Variants in FREM2 observed in about 807,000 individuals in gnomAD.
FREM2 encodes the protein FRAS1-related extracellular matrix protein 2.
Under a neutral mutation model 219.9 loss-of-function variants are expected in FREM2, and 119 were observed. The observed-to-expected ratio is 0.54, with a 90% CI of 0.47 to 0.63. The LOEUF is 0.63. FREM2 is among the 30% of genes least tolerant of loss of function. The pLI is 0.00. For missense variants in FREM2, 4,030 were observed against 3,993.6 expected (o/e 1.01, Z -0.25); for synonymous variants, 1,562 against 1,522.8 (o/e 1.03, Z -0.60).
intron 6 of FREM2, among the ~76,000 whole-genome samples, chr13:38,841,434 C>G (rs979524677): frequency 5.3e-5 from 8 of 151,982 alleles, no homozygotes; most frequent in African/African-American, 1.9e-4. Flanking sequence ...TGCCTGGAAG[C>G]GGCTGTTGGA....
Position 38,689,396 on chromosome 13 carries a change from C to T in FREM2, c.2052C>T (p.Ser684=), listed in dbSNP as rs201344990. 36 of 1,613,968 alleles carry T rather than the reference C, an allele frequency of 2.2e-5. No individual in the cohort carries two copies. In the South Asian group the frequency reaches 2.7e-4, roughly 12 times the overall value. ...VQDNHDPPNQ[S]GLQRFVIRIH... is the part of the protein sequence containing the mutation. ...ATAACCATGACCCTCCTAATCAGTC[C>T]GGGCTACAGCGGTTTGTGATTCGTA... is the stretch of plus-strand genomic sequence containing the variant. Residue 684 remains serine (S), a synonymous_variant, in exon 1 of 24, where the codon TCC becomes TCT. Coordinates refer to ENST00000280481, the MANE Select transcript of FREM2 (RefSeq NM_207361.6).
intron 2 of FREM2, among the ~76,000 whole-genome samples, chr13:38,749,047 A>G (rs1042778744): frequency 2.0e-5 from 3 of 152,198 alleles, no homozygotes; most frequent in Admixed American, 2.0e-4. Flanking sequence ...GTCTATCTGC[A>G]GTGACCTTAG....
intron 6 of FREM2, among the ~76,000 whole-genome samples, chr13:38,831,375 C>T (rs1447490919): frequency 6.6e-6 from 1 of 152,046 alleles, no homozygotes; most frequent in African/African-American, 2.4e-5. Context: ...CAGAATGAAA[C>T]TACATTGATG....
intron 6 of FREM2, among the ~76,000 whole-genome samples, chr13:38,808,928 C>A (rs1369855375): frequency 6.6e-6 from 1 of 151,676 alleles, no homozygotes; most frequent in African/African-American, 2.4e-5. Context: ...TAAAGCAAAA[C>A]ACAATATAAG....
At chr13:38,703,303 A>C (rs1870412332) in intron 2 of FREM2, among the ~76,000 whole-genome samples, 1 of 152,200 alleles carries the variant, frequency 6.6e-6, no homozygotes, top group Non-Finnish European at 1.5e-5. Context: ...AGCTCAGAGA[A>C]AAAAGCAAGC....
At chr13:38,772,241 T>TA in intron 4 of FREM2, among the ~76,000 whole-genome samples, 1 of 152,200 alleles carries the variant, frequency 6.6e-6, no homozygotes, top group Non-Finnish European at 1.5e-5. Context: ...TACAGCACTA[T>TA]ATATTGGGAA....
intron 6 of FREM2, among the ~76,000 whole-genome samples, chr13:38,824,550 T>G: frequency 6.6e-6 from 1 of 151,990 alleles, no homozygotes; most frequent in East Asian, 1.9e-4. Context: ...TCCAAAGGTA[T>G]TTTGAGGGAA....
chr13:38,880,702 G>T lies in FREM2; in HGVS notation c.9425G>T (p.Arg3142Met). Residue 3142 changes from arginine to methionine, a missense_variant, in exon 24 of 24, where the codon AGG (arginine) becomes ATG (methionine). Arg to Met is a moderately conservative substitution (Grantham distance 91). Around this residue, in one of 2 missense-constraint regions of FREM2, gnomAD observed 928 missense variants for 1,042.9 expected, o/e 0.89. Coordinates refer to ENST00000280481, the MANE Select transcript of FREM2 (RefSeq NM_207361.6). Reference sequence around the variant, plus strand: ...ATGTGCAGGGGCAAGGAAAGTTTCAGGGGGAAGGATGCCCCGAAAGGCTCC... The same window carrying T: ...ATGTGCAGGGGCAAGGAAAGTTTCATGGGGAAGGATGCCCCGAAAGGCTCC... ...VLMCRGKESFRGKDAPKGSSS... is the reference protein window; with the variant it reads ...VLMCRGKESFMGKDAPKGSSS... 6.2e-7 allele frequency: 1 copy of T among 1,614,208 alleles called. No individual in the cohort carries two copies. The highest frequency in any genetic ancestry group is 8.5e-7 in the Non-Finnish European group (1 of 1,180,026).
At chr13:38,713,166 C>T (rs137962784) in intron 2 of FREM2, among the ~76,000 whole-genome samples, 3 of 152,300 alleles carry the variant, frequency 2.0e-5, no homozygotes, top group African/African-American at 7.2e-5. Flanking sequence ...TCCCCAACCT[C>T]AAATTCCTCC....
chr13:38,825,141 T>C (rs926033319), intron 6 of FREM2, among the ~76,000 whole-genome samples: 12 of 152,114 alleles, frequency 7.9e-5, no homozygotes, highest in Non-Finnish European at 1.6e-4. Context: ...CCAATATGTT[T>C]AGCTGTCATT....
intron 16 of FREM2, 138 bp downstream of exon 16, chr13:38,864,744 A>G (rs1356122199): frequency 1.2e-5 from 9 of 756,804 alleles, no homozygotes; most frequent in Admixed American, 1.0e-4. Flanking sequence ...GGACCAGACA[A>G]CTGGCATGGA....
intron 6 of FREM2, among the ~76,000 whole-genome samples, chr13:38,795,775 A>G (rs973608694): frequency 6.6e-6 from 1 of 152,088 alleles, no homozygotes; most frequent in South Asian, 2.1e-4. Context: ...TCTGGTATCT[A>G]TCATTCTATT....
chr13:38,880,869 T>C lies in FREM2; in HGVS notation c.*82T>C, dbSNP rs1246205951. ...AACCTTAAATACTTCTGGTAAACCA[T>C]AGAGAATGGAGGATGGCTGTGATGA... On this transcript the variant is annotated 3_prime_UTR_variant, in exon 24 of 24. Transcript: ENST00000280481. 11 of 1,491,366 alleles carry C rather than the reference T, an allele frequency of 7.4e-6. No homozygotes were observed. The highest frequency in any genetic ancestry group is 4.6e-5 in the East Asian group (2 of 43,508). The allele number at this position is 1,491,366 out of a possible 1,614,324, so 92.4% of individuals were successfully genotyped here. A position where few individuals can be genotyped will look rare whatever the true frequency, so the allele number is the denominator to read the frequency against.
intron 6 of FREM2, 21 bp from the exon 7 acceptor site, chr13:38,846,552 T>G (rs552011727): frequency 6.2e-7 from 1 of 1,611,116 alleles, no homozygotes; most frequent in Admixed American, 1.7e-5. Context: ...ACAGAAATGA[T>G]TTCTGTTCCT....
At chr13:38,831,879 C>T (rs186272186) in intron 6 of FREM2, among the ~76,000 whole-genome samples, 38 of 151,850 alleles carry the variant, frequency 2.5e-4, no homozygotes, top group African/African-American at 7.5e-4. Flanking sequence ...CTTGGCCTAC[C>T]GGAGTGCTGG....
chr13:38,886,186 A>G lies in FREM2; in HGVS notation c.*5399A>G, dbSNP rs917061504. Reference sequence around the variant, plus strand: ...AAAAGTAAAGAGCAGTACAATAAAAATCACTTAAAATAGAGAAAGGCAACT... The same window carrying G: ...AAAAGTAAAGAGCAGTACAATAAAAGTCACTTAAAATAGAGAAAGGCAACT... On this transcript the variant is annotated 3_prime_UTR_variant, in exon 24 of 24. Transcript: ENST00000280481. 1 of 152,212 alleles carries G rather than the reference A, an allele frequency of 6.6e-6. No homozygotes were observed. Among genetic ancestry groups the G allele is most frequent in the African/African-American group, 2.4e-5 (1 of 41,458 alleles). 9.4% of individuals were successfully genotyped at this position (152,212 alleles called of 1,614,324 possible).
At position 38,880,498 on chromosome 13, in the gene FREM2, A is replaced by G. The variant is rs774565728; in HGVS notation, c.9221A>G (p.Asn3074Ser). ...EIGAENSRGT[N>S]IQHIALDRTK... ...GGTGCTGAAAACAGTCGAGGAACAAACATCCAGCACATTGCCCTGGACCGC... is the reference window on the plus strand; with the variant it reads ...GGTGCTGAAAACAGTCGAGGAACAAGCATCCAGCACATTGCCCTGGACCGC... Residue 3074 changes from asparagine to serine, a missense_variant, in exon 24 of 24, where the codon AAC becomes AGC. Physicochemically the swap from Asn to Ser is conservative, Grantham distance 46 (BLOSUM62 1). This residue lies in a region of FREM2 where 928 missense variants were observed against 1,042.9 expected (regional missense o/e 0.89). Transcript: ENST00000280481. 1 of 1,614,080 alleles carries G rather than the reference A, an allele frequency of 6.2e-7. No homozygotes were observed. Among genetic ancestry groups the G allele is most frequent in the South Asian group, 1.1e-5 (1 of 91,068 alleles).
intron 2 of FREM2, among the ~76,000 whole-genome samples, chr13:38,729,348 T>G (rs1871670510): frequency 6.6e-6 from 1 of 152,312 alleles, no homozygotes; most frequent in Admixed American, 6.5e-5. Flanking sequence ...GATAACACAA[T>G]AAGAACTTAT....
intron 6 of FREM2, among the ~76,000 whole-genome samples, chr13:38,836,230 GT>G (rs1228038627): frequency 6.6e-6 from 1 of 152,270 alleles, no homozygotes; most frequent in East Asian, 1.9e-4. Flanking sequence ...TTCTGTTTAT[GT>G]GATGGATTAC....
Sources: gnomAD v4.1 joint callset for allele counts (sites outside exome capture counted in the v4.1 genomes callset) on GRCh38, gnomAD v4.1.1 for gene constraint, gnomAD v4.1.1 regional missense constraint, MANE v1.5 for transcripts, NCBI Gene and HGNC (gene_info 2026-07-23, HGNC 2026-07-21) for gene names.